PACRG: variants seen among roughly 807,000 people sequenced by gnomAD.
The protein encoded by PACRG is parkin coregulated, also known as parkin coregulated gene protein.
A neutral mutation model predicts 29.7 loss-of-function variants in PACRG; 29 were observed. The observed-to-expected ratio is 0.98, with a 90% CI of 0.73 to 1.33. PACRG has a LOEUF of 1.33. Ranked by LOEUF, PACRG falls within the 40% of genes most tolerant of loss-of-function variation. The pLI is 0.00. For synonymous variants in PACRG, 116 were observed against 118.7 expected, an observed-to-expected ratio of 0.98 and a Z score of 0.15; for missense variants, 279 against 316.2, an observed-to-expected ratio of 0.88 and a Z score of 0.89.
intron 2 of PACRG, among the ~76,000 whole-genome samples, chr6:163,034,977 C>A (rs562963023): frequency 6.6e-6 from 1 of 152,268 alleles, no homozygotes; most frequent in South Asian, 2.1e-4. Flanking sequence ...GCTAACAAGG[C>A]GTGGATTATT....
chr6:163,185,152 C>G (rs1779859121), intron 4 of PACRG, among the ~76,000 whole-genome samples: 1 of 152,094 alleles, frequency 6.6e-6, no homozygotes, highest in South Asian at 2.1e-4. Context: ...TAACCACACT[C>G]CAGGCACCTC....
At chr6:163,256,390 G>C (rs979889369) in intron 4 of PACRG, among the ~76,000 whole-genome samples, 2 of 152,196 alleles carry the variant, frequency 1.3e-5, no homozygotes, top group African/African-American at 4.8e-5. Flanking sequence ...GAGGATTCTC[G>C]TTGGAGGAGA....
chr6:163,207,102 G>A (rs894856360), intron 4 of PACRG, among the ~76,000 whole-genome samples: 1 of 152,036 alleles, frequency 6.6e-6, no homozygotes, highest in East Asian at 1.9e-4. Flanking sequence ...TTTTAAATAC[G>A]CTTTGTAGAA....
At chr6:163,288,874 G>A (rs1352498942) in intron 4 of PACRG, among the ~76,000 whole-genome samples, 2 of 152,204 alleles carry the variant, frequency 1.3e-5, no homozygotes, top group East Asian at 1.9e-4. Context: ...AGAAATACAT[G>A]TGAATTCAGA....
intron 2 of PACRG, among the ~76,000 whole-genome samples, chr6:162,827,318 T>C (rs1053462728): frequency 2.0e-5 from 3 of 152,142 alleles, no homozygotes; most frequent in Non-Finnish European, 4.4e-5. Flanking sequence ...AAACTAACAA[T>C]TGGGACTAGC....
chr6:163,004,733 T>TACAC (rs1398889116), intron 2 of PACRG, among the ~76,000 whole-genome samples: 36 of 139,454 alleles, frequency 2.6e-4, no homozygotes, highest in African/African-American at 1.0e-3. Context: ...TGTGTATATA[T>TACAC]ATATACACAC....
chr6:162,804,317 G>A (rs992079398), intron 1 of PACRG, among the ~76,000 whole-genome samples: 17 of 152,042 alleles, frequency 1.1e-4, no homozygotes, highest in African/African-American at 3.4e-4. Context: ...TCATCCAATC[G>A]GTCAGGTGCC....
At chr6:162,947,437 A>ATGT in intron 2 of PACRG, among the ~76,000 whole-genome samples, 1 of 64,550 alleles carries the variant, frequency 1.5e-5, no homozygotes, top group East Asian at 3.5e-4. Context: ...TCATATATAT[A>ATGT]AAATATATAT....
chr6:162,849,909 G>GT (rs1021164618), intron 2 of PACRG, among the ~76,000 whole-genome samples: 1 of 152,094 alleles, frequency 6.6e-6, no homozygotes, highest in African/African-American at 2.4e-5. Flanking sequence ...TTAATATATT[G>GT]TTTTTTATAA....
intron 4 of PACRG, chr6:163,179,454 C>T: frequency 3.4e-6 from 1 of 290,450 alleles, no homozygotes; most frequent in Non-Finnish European, 6.8e-6. Flanking sequence ...AATCCCAACA[C>T]TTTGGGAGGC....
chr6:162,744,514 G>A (rs1304964793), intron 1 of PACRG, among the ~76,000 whole-genome samples: 3 of 152,152 alleles, frequency 2.0e-5, no homozygotes, highest in Non-Finnish European at 4.4e-5. Flanking sequence ...AGGATTGCTT[G>A]AGCACAGGAG....
At chr6:163,041,112 C>A (rs748834888) in intron 2 of PACRG, among the ~76,000 whole-genome samples, 2 of 151,912 alleles carry the variant, frequency 1.3e-5, no homozygotes, top group Non-Finnish European at 2.9e-5. Context: ...CCAAGGCGGG[C>A]GGATCACGAG....
At chr6:163,112,768 G>T (rs1264036223) in intron 4 of PACRG, among the ~76,000 whole-genome samples, 3 of 152,144 alleles carry the variant, frequency 2.0e-5, no homozygotes, top group Non-Finnish European at 4.4e-5. Context: ...AAAAACCTGG[G>T]GAAGGGGGTA....
chr6:162,966,668 A>T (rs113671719), intron 2 of PACRG, among the ~76,000 whole-genome samples: 2 of 151,720 alleles, frequency 1.3e-5, no homozygotes, highest in Non-Finnish European at 2.9e-5. Context: ...AGTAGAGACG[A>T]GGTTTCACCG....
Position 162,791,559 on chromosome 6 carries a change from C to G in PACRG, c.157-22588C>G, listed in dbSNP as rs533674048. 1.1e-3 allele frequency among the ~76,000 whole-genome samples: 161 copies of G among 152,260 alleles called. 1 individual carries two copies. Among genetic ancestry groups the G allele is most frequent in the African/African-American group, 3.8e-3 (157 of 41,558 alleles). ...GGATTCCTATTTGCCTTGTTCACTC[C>G]TAAATGCCTGGAACTTAGAACAGCA... On this transcript the variant is annotated intron_variant, in intron 1 of 4. Coordinates refer to ENST00000366888, the MANE Select transcript of PACRG (RefSeq NM_001080379.2).
chr6:163,111,776 T>C (rs1815726908), intron 4 of PACRG, among the ~76,000 whole-genome samples: 1 of 152,256 alleles, frequency 6.6e-6, no homozygotes, highest in Admixed American at 6.5e-5. Flanking sequence ...TTTCTATTTT[T>C]ATTCTAAGTA....
chr6:162,816,574 G>A (rs996528514), intron 2 of PACRG, among the ~76,000 whole-genome samples: 6 of 152,080 alleles, frequency 3.9e-5, no homozygotes, highest in Non-Finnish European at 5.9e-5. Context: ...GGATGGTCTC[G>A]ATCTCCTGAC....
chr6:163,169,040 G>A (rs902322030), intron 4 of PACRG, among the ~76,000 whole-genome samples: 1 of 152,150 alleles, frequency 6.6e-6, no homozygotes, highest in East Asian at 1.9e-4. Flanking sequence ...AAGGAAAGTG[G>A]GGTCCACATG....
intron 4 of PACRG, among the ~76,000 whole-genome samples, chr6:163,303,216 C>T (rs62428044): frequency 0.1 from 15,279 of 152,034 alleles, 787 homozygotes; most frequent in Non-Finnish European, 0.12. Flanking sequence ...CCCAGCTACT[C>T]GGGAGGCTGA....
Sources: gnomAD v4.1 joint callset for allele counts (sites outside exome capture counted in the v4.1 genomes callset) on GRCh38, gnomAD v4.1.1 for gene constraint, MANE v1.5 for transcripts, NCBI Gene and HGNC (gene_info 2026-07-23, HGNC 2026-07-21) for gene names.